Variants in ALK observed in about 807,000 individuals in gnomAD.
ALK encodes ALK receptor tyrosine kinase, also known as ALK tyrosine kinase receptor.
A neutral mutation model predicts 163.1 loss-of-function variants in ALK; 74 were observed. The observed-to-expected ratio is 0.45, with a 90% CI of 0.38 to 0.55. The LOEUF is 0.55. Among genes scored for constraint, ALK ranks in the 20% least tolerant of loss-of-function variants. The probability of loss-of-function intolerance (pLI) is 0.00; values close to 1 mark genes in which losing one functional copy is unlikely to be tolerated. For synonymous variants in ALK, 960 were observed against 843.2 expected (o/e 1.14, Z -2.40); for missense variants, 2,063 against 2,105.3 (o/e 0.98, Z 0.39).
chr2:29,246,602 G>C lies in ALK; in HGVS notation c.2204+4503C>G, dbSNP rs561126088. Reference sequence around the variant, plus strand: ...GCCAAGCTCGTGGGAGAGTGGCTGCGCTCCTTTGTCCTCGCTTCCTCAGTC... The same window carrying C: ...GCCAAGCTCGTGGGAGAGTGGCTGCCCTCCTTTGTCCTCGCTTCCTCAGTC... On this transcript the variant is annotated intron_variant, in intron 12 of 28. Transcript: ENST00000389048. The surrounding 1 kb of genome is among the most constrained non-coding windows in gnomAD (Gnocchi z 4.3). Among the ~76,000 whole-genome samples the C allele has an allele frequency of 1.1e-3, 175 of 152,256 alleles. 1 individual carries two copies. The highest frequency in any genetic ancestry group is 1.9e-3 in the Non-Finnish European group (132 of 68,022).
intron 4 of ALK, among the ~76,000 whole-genome samples, chr2:29,530,335 A>G (rs1029975740): frequency 2.0e-5 from 3 of 152,212 alleles, no homozygotes; most frequent in African/African-American, 4.8e-5. Context: ...TATGCTACAC[A>G]GGGAAACAGG....
intron 4 of ALK, among the ~76,000 whole-genome samples, chr2:29,440,156 C>G (rs960844330): frequency 5.9e-5 from 9 of 151,626 alleles, no homozygotes; most frequent in African/African-American, 2.2e-4. Flanking sequence ...ATCACTTGAA[C>G]CTGGGAGGTG....
intron 3 of ALK, among the ~76,000 whole-genome samples, chr2:29,595,193 T>C (rs1468826940): frequency 2.6e-5 from 4 of 152,170 alleles, no homozygotes; most frequent in Non-Finnish European, 5.9e-5. Context: ...CTACTTTTTT[T>C]CTTCTTCTTC....
chr2:29,231,609 G>A (rs1015557935), intron 15 of ALK, among the ~76,000 whole-genome samples: 4 of 152,100 alleles, frequency 2.6e-5, no homozygotes, highest in African/African-American at 7.2e-5. Context: ...TATTCTAGCC[G>A]TCTCTCAATT....
intron 4 of ALK, among the ~76,000 whole-genome samples, chr2:29,487,144 C>T (rs4365417): frequency 0.78 from 118,523 of 152,100 alleles, 46,660 homozygotes; most frequent in Non-Finnish European, 0.84. Flanking sequence ...TCTAACTTTC[C>T]GTCCTTTAGA....
chr2:29,881,011 C>T (rs946053560), intron 1 of ALK, among the ~76,000 whole-genome samples: 1 of 152,206 alleles, frequency 6.6e-6, no homozygotes, highest in African/African-American at 2.4e-5. Context: ...AACTAAGGGG[C>T]CTCACTGTAA....
In ALK at chr2:29,532,138, G is replaced by A. The variant is rs370997338; in HGVS notation, c.953-22C>T. 5.0e-5 allele frequency: 80 copies of A among 1,609,606 alleles called. 1 individual carries two copies. Among genetic ancestry groups the A allele is most frequent in the African/African-American group, 2.4e-4 (18 of 74,796 alleles). On this transcript the variant is annotated intron_variant, in intron 3 of 28. Transcript: ENST00000389048. Reference sequence around the variant, plus strand: ...GAGCCTGGAAAGAGACAGGGAAAACGAATCTGCAGATGTGTTCAGGTAAGA... The same window carrying A: ...GAGCCTGGAAAGAGACAGGGAAAACAAATCTGCAGATGTGTTCAGGTAAGA...
At chr2:29,406,898 C>CAAAAA (rs11397203) in intron 4 of ALK, among the ~76,000 whole-genome samples, 75 of 133,476 alleles carry the variant, frequency 5.6e-4, no homozygotes, top group African/African-American at 2.0e-3. Context: ...GACTCCATCT[C>CAAAAA]AAAAAAAAAA....
intron 2 of ALK, among the ~76,000 whole-genome samples, chr2:29,701,569 T>C (rs1406933149): frequency 1.3e-5 from 2 of 152,186 alleles, no homozygotes; most frequent in Non-Finnish European, 2.9e-5. Flanking sequence ...TGATTTTGTC[T>C]CTTATTATGA....
chr2:29,748,797 A>T (rs1239920529), intron 1 of ALK, among the ~76,000 whole-genome samples: 2 of 152,048 alleles, frequency 1.3e-5, no homozygotes, highest in Non-Finnish European at 2.9e-5. Context: ...CCAGGCTGGA[A>T]TGCAGTGGCA....
intron 18 of ALK, among the ~76,000 whole-genome samples, chr2:29,225,941 G>A (rs944940387): frequency 1.3e-5 from 2 of 152,156 alleles, no homozygotes; most frequent in African/African-American, 4.8e-5. Flanking sequence ...ACCCTCTGAG[G>A]CTAAGTTACT....
chr2:29,475,359 G>A (rs1219411878), intron 4 of ALK, among the ~76,000 whole-genome samples: 1 of 152,124 alleles, frequency 6.6e-6, no homozygotes, highest in Non-Finnish European at 1.5e-5. Context: ...GTTACCATCT[G>A]ACTGTGGAAG....
At chr2:29,729,142 TG>T (rs1679664042) in intron 1 of ALK, among the ~76,000 whole-genome samples, 1 of 152,176 alleles carries the variant, frequency 6.6e-6, no homozygotes, top group African/African-American at 2.4e-5. Context: ...CTCTGAAACC[TG>T]AATTACCTTC....
intron 5 of ALK, among the ~76,000 whole-genome samples, chr2:29,361,053 C>G (rs1302537289): frequency 6.6e-6 from 1 of 152,244 alleles, no homozygotes; most frequent in Non-Finnish European, 1.5e-5. Flanking sequence ...AGAAGTCCAG[C>G]AGCAAAGTCC....
intron 1 of ALK, among the ~76,000 whole-genome samples, chr2:29,835,544 C>A (rs1665536466): frequency 6.6e-6 from 1 of 152,140 alleles, no homozygotes; most frequent in South Asian, 2.1e-4. Context: ...TCTACAGATT[C>A]CCCATTCACC....
chr2:29,447,179 G>A (rs1035705309), intron 4 of ALK, among the ~76,000 whole-genome samples: 2 of 152,144 alleles, frequency 1.3e-5, no homozygotes, highest in East Asian at 3.9e-4. Context: ...ACCTGATGGA[G>A]GCACTCAAGA....
At chr2:29,458,186 T>G (rs1049762357) in intron 4 of ALK, among the ~76,000 whole-genome samples, 7 of 152,164 alleles carry the variant, frequency 4.6e-5, no homozygotes, top group Non-Finnish European at 8.8e-5. Context: ...CTATGTAAAC[T>G]TAAACGTATA....
chr2:29,642,869 C>T (rs1676744240), intron 3 of ALK, among the ~76,000 whole-genome samples: 2 of 152,174 alleles, frequency 1.3e-5, no homozygotes, highest in Admixed American at 6.5e-5. Flanking sequence ...GGAATTGTTT[C>T]AGTAACTATC....
intron 4 of ALK, among the ~76,000 whole-genome samples, chr2:29,516,981 C>T (rs1039778851): frequency 1.3e-5 from 2 of 152,234 alleles, no homozygotes; most frequent in East Asian, 3.8e-4. Context: ...CACACATTCG[C>T]ATGACACTAA....
Sources: gnomAD v4.1 joint callset for allele counts (sites outside exome capture counted in the v4.1 genomes callset) on GRCh38, gnomAD v4.1.1 for gene constraint, Gnocchi (gnomAD v3.1) non-coding constraint, MANE v1.5 for transcripts, NCBI Gene and HGNC (gene_info 2026-07-23, HGNC 2026-07-21) for gene names.